CNTNAP2: variants seen among roughly 807,000 people sequenced by gnomAD.
The protein encoded by CNTNAP2 is contactin associated protein 2, also known as contactin-associated protein-like 2.
CNTNAP2 carries 98 observed loss-of-function variants against 155.2 expected under a neutral mutation model. The observed-to-expected ratio is 0.63, with a 90% CI of 0.54 to 0.75. CNTNAP2 has a LOEUF of 0.75. CNTNAP2 is among the 30% of genes least tolerant of loss of function. The probability of loss-of-function intolerance (pLI) is 0.00; values close to 1 mark genes in which losing one functional copy is unlikely to be tolerated. For synonymous variants in CNTNAP2, 651 were observed against 631.2 expected, an observed-to-expected ratio of 1.03 and a Z score of -0.47; for missense variants, 1,727 against 1,688.1, an observed-to-expected ratio of 1.02 and a Z score of -0.40.
intron 4 of CNTNAP2, among the ~76,000 whole-genome samples, chr7:147,053,918 C>T (rs1300921197): frequency 1.3e-5 from 2 of 152,094 alleles, no homozygotes; most frequent in Non-Finnish European, 2.9e-5. Flanking sequence ...AACTTCAAAG[C>T]TGAAAAGTTC....
chr7:146,233,763 A>G (rs1041379589), intron 1 of CNTNAP2, among the ~76,000 whole-genome samples: 1 of 151,700 alleles, frequency 6.6e-6, no homozygotes, highest in African/African-American at 2.4e-5. Flanking sequence ...ATGATTTCCA[A>G]TTTCATCCAT....
At chr7:146,381,064 C>T (rs1171648811) in intron 1 of CNTNAP2, among the ~76,000 whole-genome samples, 1 of 151,876 alleles carries the variant, frequency 6.6e-6, no homozygotes, top group Non-Finnish European at 1.5e-5. Flanking sequence ...TCCCAAAGTG[C>T]TGGGATTACA....
intron 1 of CNTNAP2, among the ~76,000 whole-genome samples, chr7:146,470,857 C>T (rs1051713036): frequency 3.9e-5 from 6 of 152,066 alleles, no homozygotes; most frequent in Non-Finnish European, 7.4e-5. Flanking sequence ...CATGAACCAC[C>T]GTGCCAAGCC....
At chr7:146,528,794 G>A (rs1457805138) in intron 1 of CNTNAP2, among the ~76,000 whole-genome samples, 1 of 152,082 alleles carries the variant, frequency 6.6e-6, no homozygotes, top group Non-Finnish European at 1.5e-5. Flanking sequence ...ATGAGAACTG[G>A]AGGGTGAAGA....
At chr7:147,919,463 T>TTTC (rs1800223680) in intron 14 of CNTNAP2, among the ~76,000 whole-genome samples, 1 of 11,934 alleles carries the variant, frequency 8.4e-5, no homozygotes, top group Non-Finnish European at 1.4e-4. Context: ...TTCTTTCTTT[T>TTTC]TTTTTTTTTT....
chr7:146,639,409 G>A lies in CNTNAP2; in HGVS notation c.98-134862G>A, dbSNP rs148142822. 8.6e-3 allele frequency among the ~76,000 whole-genome samples: 1,307 copies of A among 152,252 alleles called. 60 individuals are homozygous for A. Among genetic ancestry groups the A allele is most frequent in the Admixed American group, 0.076 (1,163 of 15,298 alleles). ...CCTATGCATTCTAACCATTTTACAAGCATTATCTCATCTCATGGAATCCCC... is the reference window on the plus strand; with the variant it reads ...CCTATGCATTCTAACCATTTTACAAACATTATCTCATCTCATGGAATCCCC... On this transcript the variant is annotated intron_variant, in intron 1 of 23. Coordinates refer to ENST00000361727, the MANE Select transcript of CNTNAP2 (RefSeq NM_014141.6).
chr7:147,504,937 C>G (rs1044707944), intron 11 of CNTNAP2, among the ~76,000 whole-genome samples: 1 of 151,966 alleles, frequency 6.6e-6, no homozygotes, highest in Admixed American at 6.6e-5. Context: ...TGCACACACA[C>G]ATGCACACAC....
intron 12 of CNTNAP2, among the ~76,000 whole-genome samples, chr7:147,596,351 A>T (rs184151621): frequency 1.3e-5 from 2 of 152,136 alleles, no homozygotes; most frequent in African/African-American, 4.8e-5. Flanking sequence ...CACTGCCATC[A>T]CCCTGATTGT....
At chr7:148,415,075 G>GAAAA (rs1397576331) in intron 23 of CNTNAP2, among the ~76,000 whole-genome samples, 1 of 152,140 alleles carries the variant, frequency 6.6e-6, no homozygotes, top group South Asian at 2.1e-4. Context: ...CTGCCAGCCA[G>GAAAA]AAAACTAGGA....
intron 14 of CNTNAP2, among the ~76,000 whole-genome samples, chr7:147,943,013 G>C (rs1197754743): frequency 1.3e-5 from 2 of 151,764 alleles, no homozygotes; most frequent in Non-Finnish European, 2.9e-5. Flanking sequence ...CACCAGCCTG[G>C]GCGACAAAGC....
At chr7:147,590,239 C>G (rs1400346550) in intron 12 of CNTNAP2, among the ~76,000 whole-genome samples, 1 of 152,016 alleles carries the variant, frequency 6.6e-6, no homozygotes, top group Non-Finnish European at 1.5e-5. Context: ...TTATTGATAG[C>G]CTGTTACATG....
chr7:146,707,244 A>G (rs1455295083), intron 1 of CNTNAP2, among the ~76,000 whole-genome samples: 2 of 152,106 alleles, frequency 1.3e-5, no homozygotes, highest in Non-Finnish European at 2.9e-5. Context: ...CTAAGTCACC[A>G]CAATACTAGC....
At chr7:147,752,295 G>A (rs1368757197) in intron 13 of CNTNAP2, among the ~76,000 whole-genome samples, 1 of 144,854 alleles carries the variant, frequency 6.9e-6, no homozygotes, top group Non-Finnish European at 1.5e-5. Context: ...CTTTTTTTCT[G>A]AAGGGTAACC....
chr7:146,307,218 T>A (rs915398441), intron 1 of CNTNAP2, among the ~76,000 whole-genome samples: 1 of 152,056 alleles, frequency 6.6e-6, no homozygotes, highest in Non-Finnish European at 1.5e-5. Flanking sequence ...ATGAGTGAAC[T>A]CCCATTCACA....
At chr7:147,965,602 C>T (rs531334824) in intron 14 of CNTNAP2, among the ~76,000 whole-genome samples, 1 of 151,944 alleles carries the variant, frequency 6.6e-6, no homozygotes, top group African/African-American at 2.4e-5. Flanking sequence ...AATATACCAC[C>T]TCACTCCCAC....
chr7:147,777,740 G>C (rs1797607147), intron 13 of CNTNAP2, among the ~76,000 whole-genome samples: 1 of 152,084 alleles, frequency 6.6e-6, no homozygotes, highest in Non-Finnish European at 1.5e-5. Flanking sequence ...TGAAAGTGGT[G>C]GTAGGAATTT....
chr7:147,771,634 G>A (rs1489280510), intron 13 of CNTNAP2, among the ~76,000 whole-genome samples: 1 of 152,068 alleles, frequency 6.6e-6, no homozygotes, highest in Non-Finnish European at 1.5e-5. Flanking sequence ...ATTATATAGG[G>A]TTTCATTTCT....
intron 1 of CNTNAP2, among the ~76,000 whole-genome samples, chr7:146,268,596 A>G (rs958079004): frequency 1.4e-4 from 21 of 152,188 alleles, no homozygotes; most frequent in Non-Finnish European, 2.9e-5. Flanking sequence ...CTGCTTTTCC[A>G]TCTCCACCAC....
chr7:147,907,985 C>T (rs1055598790), intron 14 of CNTNAP2, among the ~76,000 whole-genome samples: 1 of 151,372 alleles, frequency 6.6e-6, no homozygotes, highest in Non-Finnish European at 1.5e-5. Context: ...ACCAGGCTGG[C>T]CTTGAACTCC....
Sources: gnomAD v4.1 joint callset for allele counts (sites outside exome capture counted in the v4.1 genomes callset) on GRCh38, gnomAD v4.1.1 for gene constraint, MANE v1.5 for transcripts, NCBI Gene and HGNC (gene_info 2026-07-23, HGNC 2026-07-21) for gene names.